Variants in UGT1A5 observed in about 807,000 individuals in gnomAD.
UGT1A5 encodes the protein UDP glucuronosyltransferase family 1 member A5, also known as UDP-glucuronosyltransferase 1A5.
In UGT1A5, 29 loss-of-function variants were observed where a neutral mutation model predicts 40.3. That is an observed-to-expected ratio of 0.72 (90% CI 0.54 to 0.98). UGT1A5 has a LOEUF of 0.98. Ranked by LOEUF, UGT1A5 falls within the 50% of genes least tolerant of loss-of-function variation. UGT1A5 has a pLI of 0.00. For synonymous variants in UGT1A5, 257 were observed against 262.5 expected, an observed-to-expected ratio of 0.98 and a Z score of 0.20; for missense variants, 678 against 677.9, an observed-to-expected ratio of 1.00 and a Z score of 0.00.
chr2:233,762,875 C>T (rs1698183827), intron 1 of UGT1A5, among the ~76,000 whole-genome samples: 1 of 152,150 alleles, frequency 6.6e-6, no homozygotes, highest in African/African-American at 2.4e-5. Flanking sequence ...TTGGTTTCTT[C>T]TCTTATAAAT....
At chr2:233,729,032 T>C in intron 1 of UGT1A5, 2 of 1,601,672 alleles carry the variant, frequency 1.2e-6, no homozygotes. Flanking sequence ...GTTGATTTGC[T>C]AAGTGGCTCA....
At chr2:233,724,310 G>A (rs1212736933) in intron 1 of UGT1A5, among the ~76,000 whole-genome samples, 12 of 140,982 alleles carry the variant, frequency 8.5e-5, no homozygotes, top group African/African-American at 1.3e-4. Context: ...CCTCCCTCCC[G>A]GACGGGGCGG....
chr2:233,737,300 G>T (rs1006795480), intron 1 of UGT1A5, among the ~76,000 whole-genome samples: 5 of 152,240 alleles, frequency 3.3e-5, no homozygotes, highest in Admixed American at 2.0e-4. Context: ...CCGCCTCACA[G>T]TTCAATCTCA....
At chr2:233,718,037 G>A (rs1268815456) in intron 1 of UGT1A5, 2 of 377,926 alleles carry the variant, frequency 5.3e-6, no homozygotes, top group Non-Finnish European at 1.0e-5. Context: ...CCTTTGGTGA[G>A]CAGGAGCTCC....
intron 1 of UGT1A5, among the ~76,000 whole-genome samples, chr2:233,724,363 C>T (rs1212893783): frequency 1.6e-4 from 22 of 136,704 alleles, no homozygotes; most frequent in African/African-American, 2.2e-4. Flanking sequence ...CCCTCCCGGA[C>T]GGGGTGGCTG....
At chr2:233,731,565 G>A (rs1168065167) in intron 1 of UGT1A5, among the ~76,000 whole-genome samples, 1 of 152,192 alleles carries the variant, frequency 6.6e-6, no homozygotes, top group African/African-American at 2.4e-5. Context: ...ATAGTTTGCT[G>A]AGAATGATGG....
At chr2:233,757,839 A>T (rs1696732636) in intron 1 of UGT1A5, among the ~76,000 whole-genome samples, 1 of 151,872 alleles carries the variant, frequency 6.6e-6, no homozygotes, top group Non-Finnish European at 1.5e-5. Flanking sequence ...GTGGCCTACT[A>T]ACTTATGTCT....
At chr2:233,760,857 C>G in intron 1 of UGT1A5, 1 of 1,614,098 alleles carries the variant, frequency 6.2e-7, no homozygotes, top group Non-Finnish European at 8.5e-7. Flanking sequence ...CCAACCCATT[C>G]TCCTACGTGC....
chr2:233,770,903 T>C (rs35203651), intron 4 of UGT1A5: 14,100 of 152,250 alleles, frequency 0.093, 767 homozygotes, highest in South Asian at 0.16. Flanking sequence ...CTGCAGGCTG[T>C]ACAGGAAGCT....
intron 1 of UGT1A5, among the ~76,000 whole-genome samples, chr2:233,740,501 G>A (rs1478436482): frequency 6.6e-6 from 1 of 151,910 alleles, no homozygotes; most frequent in Non-Finnish European, 1.5e-5. Context: ...GCTTTCCAGT[G>A]TGTGATGTAA....
chr2:233,760,680 G>A, intron 1 of UGT1A5: 1 of 1,614,136 alleles, frequency 6.2e-7, no homozygotes, highest in Non-Finnish European at 8.5e-7. Flanking sequence ...CCCACTTACT[G>A]CACAACAAGG....
intron 1 of UGT1A5, among the ~76,000 whole-genome samples, chr2:233,744,268 G>C (rs975143580): frequency 2.0e-5 from 3 of 151,806 alleles, no homozygotes; most frequent in African/African-American, 7.3e-5. Context: ...TTTTCTTAAA[G>C]TAGGCTTTAT....
intron 1 of UGT1A5, among the ~76,000 whole-genome samples, chr2:233,716,574 A>G (rs2076512452): frequency 6.6e-6 from 1 of 152,190 alleles, no homozygotes; most frequent in Admixed American, 6.5e-5. Context: ...TTTAAAAACA[A>G]TACTTTCAAA....
intron 1 of UGT1A5, among the ~76,000 whole-genome samples, chr2:233,721,322 G>C (rs1265391747): frequency 6.6e-6 from 1 of 152,066 alleles, no homozygotes; most frequent in Non-Finnish European, 1.5e-5. Context: ...CTCTTTTCTT[G>C]TGGTTTTTCA....
chr2:233,734,458 A>G lies in UGT1A5; in HGVS notation c.867+20600A>G, dbSNP rs561790564. On this transcript the variant is annotated intron_variant, in intron 1 of 4. Coordinates refer to ENST00000373414, the MANE Select transcript of UGT1A5 (RefSeq NM_019078.2). ...TGCCAGAGGTCTATCAATTTTCAAAATCCATCTCCTGGATTCATTGATTTT... is the reference window on the plus strand; with the variant it reads ...TGCCAGAGGTCTATCAATTTTCAAAGTCCATCTCCTGGATTCATTGATTTT... 1.5e-3 allele frequency among the ~76,000 whole-genome samples: 233 copies of G among 152,160 alleles called. 2 individuals carry two copies. The highest frequency in any genetic ancestry group is 5.3e-3 in the African/African-American group (218 of 41,522).
intron 1 of UGT1A5, among the ~76,000 whole-genome samples, chr2:233,757,340 GC>G (rs1259479827): frequency 3.3e-5 from 5 of 151,162 alleles, no homozygotes; most frequent in Non-Finnish European, 7.4e-5. Flanking sequence ...GACCATGACA[GC>G]TGGGTCTGAG....
chr2:233,719,078 G>A, intron 1 of UGT1A5: 11 of 1,614,254 alleles, frequency 6.8e-6, no homozygotes, highest in Non-Finnish European at 9.3e-6. Context: ...CATGGACCCA[G>A]AAGGAATTTG....
chr2:233,743,245 C>T, intron 1 of UGT1A5: 3 of 429,418 alleles, frequency 7.0e-6, no homozygotes, highest in Admixed American at 3.0e-5. Context: ...AGGACTTTAA[C>T]TCAACTCTCC....
intron 1 of UGT1A5, chr2:233,760,697 T>C (rs1697532735): frequency 6.2e-7 from 1 of 1,614,264 alleles, no homozygotes; most frequent in Non-Finnish European, 8.5e-7. Context: ...AAGGAGCTCA[T>C]GGCCTCCCTG....
Sources: allele counts gnomAD v4.1 joint callset (sites outside exome capture counted in the v4.1 genomes callset), GRCh38; gene constraint gnomAD v4.1.1; transcripts MANE v1.5; gene names NCBI Gene and HGNC (gene_info 2026-07-23, HGNC 2026-07-21).